LAMC2: variants seen among roughly 807,000 people sequenced by gnomAD.
LAMC2 encodes laminin subunit gamma 2.
Under a neutral mutation model 140.2 loss-of-function variants are expected in LAMC2, and 97 were observed. That is an observed-to-expected ratio of 0.69 (90% CI 0.59 to 0.82). LAMC2 has a LOEUF of 0.82. Ranked by LOEUF, LAMC2 falls within the 40% of genes least tolerant of loss-of-function variation. The probability of loss-of-function intolerance (pLI) is 0.00; values close to 1 mark genes in which losing one functional copy is unlikely to be tolerated. For missense variants in LAMC2, 1,402 were observed against 1,476.1 expected (o/e 0.95, Z 0.82); for synonymous variants, 513 against 540.2 (o/e 0.95, Z 0.70).
chr1:183,219,303 G>A (rs1659392922), intron 4 of LAMC2, among the ~76,000 whole-genome samples: 1 of 152,228 alleles, frequency 6.6e-6, no homozygotes, highest in African/African-American at 2.4e-5. Flanking sequence ...GGCTGCTGAG[G>A]TGAAGGCAGG....
At chr1:183,214,889 A>G (rs1659202737) in intron 2 of LAMC2, among the ~76,000 whole-genome samples, 1 of 152,140 alleles carries the variant, frequency 6.6e-6, no homozygotes, top group Non-Finnish European at 1.5e-5. Flanking sequence ...GAATCATAAG[A>G]CAAGTACAGT....
chr1:183,220,834 A>G lies in LAMC2; in HGVS notation c.513A>G (p.Ser171=). 2 of 1,613,992 alleles carry G rather than the reference A, an allele frequency of 1.2e-6. No homozygotes were observed. The highest frequency in any genetic ancestry group is 1.1e-5 in the South Asian group (1 of 91,074). The part of the protein sequence containing the change: ...VTGERCDRCR[S]GYYNLDGGNP... ...TACAATGCCACTGCAGGTGTCGATC[A>G]GGTTACTATAATCTGGATGGGGGGA... The change falls in exon 5 of 23, where the codon TCA becomes TCG. Residue 171 remains serine, a synonymous_variant. Coordinates refer to ENST00000264144, the MANE Select transcript of LAMC2 (RefSeq NM_005562.3).
intron 13 of LAMC2, 49 bp downstream of exon 13, chr1:183,232,392 G>A (rs749275970): frequency 1.3e-5 from 20 of 1,599,632 alleles, no homozygotes; most frequent in Non-Finnish European, 1.6e-5. Context: ...CATAGTCCTA[G>A]AAGGAATGGC....
At chr1:183,237,825 G>T (rs1451192483) in intron 18 of LAMC2, among the ~76,000 whole-genome samples, 3 of 152,316 alleles carry the variant, frequency 2.0e-5, no homozygotes, top group African/African-American at 4.8e-5. Flanking sequence ...GTTCGAGGCT[G>T]CAGTGAGCCA....
At chr1:183,253,306 ATAT>A in the LAMC2 span, among the ~76,000 whole-genome samples, 2 of 147,936 alleles carry the variant, frequency 1.4e-5, no homozygotes, top group Non-Finnish European at 3.0e-5. Context: ...ATATTATATT[ATAT>A]TATATTATTT....
Position 183,215,586 on chromosome 1 carries a change from G to C in LAMC2, c.402G>C (p.Leu134=), listed in dbSNP as rs1659229302. The C allele has an allele frequency of 6.2e-7, 1 of 1,614,004 alleles. No individual in the cohort carries two copies. The highest frequency in any genetic ancestry group is 1.1e-5 in the South Asian group (1 of 91,076). ...TDAGCTQDQR[L]LDSKCDCDPA... is the part of the protein sequence containing the mutation. Reference sequence around the variant, plus strand: ...CGGGGTGCACCCAAGACCAGAGACTGCTGTGAGTATTTGCATCCCACCATG... The same window carrying C: ...CGGGGTGCACCCAAGACCAGAGACTCCTGTGAGTATTTGCATCCCACCATG... Residue 134 remains leucine (L), a splice_region_variant and synonymous_variant, in exon 3 of 23, where the codon CTG becomes CTC. Transcript: ENST00000264144.
At chr1:183,192,024 G>A (rs1658351729) in intron 1 of LAMC2, among the ~76,000 whole-genome samples, 2 of 152,176 alleles carry the variant, frequency 1.3e-5, no homozygotes, top group African/African-American at 4.8e-5. Flanking sequence ...CAAAGCCAAA[G>A]GCTAAGTCTT....
intron 22 of LAMC2, among the ~76,000 whole-genome samples, chr1:183,241,642 C>A (rs1410504834): frequency 6.6e-6 from 1 of 152,044 alleles, no homozygotes; most frequent in Non-Finnish European, 1.5e-5. Flanking sequence ...TTCAGTAGAA[C>A]AACTTCGAAA....
intron 8 of LAMC2, 106 bp downstream of exon 8, chr1:183,225,826 A>T: frequency 1.3e-6 from 1 of 750,480 alleles, no homozygotes; most frequent in Non-Finnish European, 2.4e-6. Context: ...AAGTTACTTG[A>T]TGATCCTGAC....
rs1571544927 is a variant in LAMC2, at chr1:183,243,619, T to G, written c.*219T>G. ...TGCTGGGCAATGAGGCAGATAGCAC[T>G]GGGTGTGAGAATGATCAAGGATCTG... On this transcript the variant is annotated 3_prime_UTR_variant, in exon 23 of 23. Transcript: ENST00000264144. 1 of 602,262 alleles carries G rather than the reference T, an allele frequency of 1.7e-6. No individual in the cohort carries two copies. Among genetic ancestry groups the G allele is most frequent in the East Asian group, 2.9e-5 (1 of 34,704 alleles). The allele number at this position is 602,262 out of a possible 1,614,324, so 37.3% of individuals were successfully genotyped here. A position where few individuals can be genotyped will look rare whatever the true frequency, so the allele number is the denominator to read the frequency against.
At chr1:183,192,522 C>T (rs1464368432) in intron 1 of LAMC2, among the ~76,000 whole-genome samples, 1 of 152,130 alleles carries the variant, frequency 6.6e-6, no homozygotes, top group Non-Finnish European at 1.5e-5. Context: ...AAAAATGACA[C>T]CCAGTGAGGT....
In LAMC2 at chr1:183,186,311, AC is replaced by A. The variant is rs1182747377; in HGVS notation, c.-38del. 1 of 1,558,674 alleles carries A rather than the reference AC, an allele frequency of 6.4e-7. No homozygotes were observed. The highest frequency in any genetic ancestry group is 1.2e-5 in the South Asian group (1 of 86,082). ...CCACCAACCGAGGCGCCGGGCAGCG[AC>A]CCCTGCAGCGGAGACAGAGACTGAG... is the stretch of plus-strand genomic sequence containing the variant. On this transcript the variant is annotated 5_prime_UTR_variant, in exon 1 of 23. Transcript: ENST00000264144.
intron 12 of LAMC2, 51 bp from the exon 13 acceptor site, chr1:183,232,136 C>G (rs776141733): frequency 8.1e-6 from 13 of 1,607,286 alleles, no homozygotes; most frequent in Middle Eastern, 2.1e-4. Flanking sequence ...TGGATGATCC[C>G]TTGGGTACAT....
rs530647763 is a variant in LAMC2 at position 183,236,067 on chromosome 1, G to A, written c.2456+337G>A. ...AGAAATATATTTCTGTTATCAAGAAGTGGGGAATTTGGGATTGAATTTTTC... is the reference window on the plus strand; with the variant it reads ...AGAAATATATTTCTGTTATCAAGAAATGGGGAATTTGGGATTGAATTTTTC... On this transcript the variant is annotated intron_variant, in intron 16 of 22. Coordinates refer to ENST00000264144, the MANE Select transcript of LAMC2 (RefSeq NM_005562.3). 7.2e-5 allele frequency among the ~76,000 whole-genome samples: 11 copies of A among 152,230 alleles called. No individual in the cohort carries two copies. In the East Asian group the frequency reaches 2.1e-3, roughly 29 times the overall value.
intron 1 of LAMC2, among the ~76,000 whole-genome samples, chr1:183,189,781 G>A (rs999704059): frequency 6.6e-6 from 1 of 152,190 alleles, no homozygotes; most frequent in Non-Finnish European, 1.5e-5. Context: ...AATAACTGGT[G>A]TTCAGATATC....
chr1:183,217,435 C>T (rs1400557298), intron 3 of LAMC2, among the ~76,000 whole-genome samples: 1 of 152,086 alleles, frequency 6.6e-6, no homozygotes, highest in East Asian at 1.9e-4. Flanking sequence ...GGTATACACC[C>T]AAGAGAAATG....
In LAMC2 at chr1:183,228,741, C is replaced by G. The variant is rs1571531383; in HGVS notation, c.1714+122C>G. ...ATGTTACTTTGATTCTCTGACCAAA[C>G]TGGCCTGTGAGCACCCTGGGCCTTT... On this transcript the variant is annotated intron_variant, in intron 11 of 22. Transcript: ENST00000264144. The surrounding 1 kb of genome is among the most constrained non-coding windows in gnomAD (Gnocchi z 4.3). The G allele has an allele frequency of 2.2e-6, 3 of 1,382,044 alleles. No individual in the cohort carries two copies. Among genetic ancestry groups the G allele is most frequent in the Non-Finnish European group, 3.0e-6 (3 of 985,332 alleles). The allele number at this position is 1,382,044 out of a possible 1,614,324, so 85.6% of individuals were successfully genotyped here. A position where few individuals can be genotyped will look rare whatever the true frequency, so the allele number is the denominator to read the frequency against.
intron 2 of LAMC2, among the ~76,000 whole-genome samples, chr1:183,214,326 G>A (rs1039008157): frequency 1.3e-5 from 2 of 152,170 alleles, no homozygotes; most frequent in African/African-American, 4.8e-5. Flanking sequence ...GGTGGGATGG[G>A]ATTTTAGATG....
At position 183,243,612 on chromosome 1, in the gene LAMC2, A is replaced by C. The variant is rs1368743206; in HGVS notation, c.*212A>C. 1 of 615,972 alleles carries C rather than the reference A, an allele frequency of 1.6e-6. No homozygotes were observed. The highest frequency in any genetic ancestry group is 2.9e-6 in the Non-Finnish European group (1 of 344,480). 38.2% of individuals were successfully genotyped at this position (615,972 alleles called of 1,614,324 possible). On this transcript the variant is annotated 3_prime_UTR_variant, in exon 23 of 23. Transcript: ENST00000264144. ...TTCCTGATGCTGGGCAATGAGGCAG[A>C]TAGCACTGGGTGTGAGAATGATCAA...
Sources: allele counts gnomAD v4.1 joint callset (sites outside exome capture counted in the v4.1 genomes callset), GRCh38; gene constraint gnomAD v4.1.1; non-coding constraint Gnocchi (gnomAD v3.1); transcripts MANE v1.5; gene names NCBI Gene and HGNC (gene_info 2026-07-23, HGNC 2026-07-21).